Variants in RALA observed in about 807,000 individuals in gnomAD.
RALA encodes the protein ras-related protein Ral-A.
RALA carries 5 observed loss-of-function variants against 24.0 expected under a neutral mutation model. The ratio of observed to expected loss-of-function variants is 0.21; its 90% CI spans 0.11 to 0.44. The LOEUF (loss-of-function observed/expected upper bound fraction) is 0.44, where lower values mean the gene tolerates loss of function less well. Ranked by LOEUF, RALA falls within the 20% of genes least tolerant of loss-of-function variation. RALA has a pLI of 0.99. For missense variants in RALA, 95 were observed against 241.2 expected (o/e 0.39, Z 4.01); for synonymous variants, 77 against 83.8 (o/e 0.92, Z 0.44).
At chr7:39,639,317 A>T (rs1791740038) in intron 1 of RALA, among the ~76,000 whole-genome samples, 1 of 152,238 alleles carries the variant, frequency 6.6e-6, no homozygotes, top group Non-Finnish European at 1.5e-5. Context: ...TCAGTGAGTG[A>T]CAGCAGTTGC....
chr7:39,686,113 C>T (rs975213273), intron 1 of RALA, among the ~76,000 whole-genome samples: 2 of 145,238 alleles, frequency 1.4e-5, no homozygotes, highest in East Asian at 4.1e-4. Context: ...GGCTGAGGCA[C>T]AAGAATCGCT....
At chr7:39,697,473 C>T (rs376421371) in intron 4 of RALA, 7 of 456,642 alleles carry the variant, frequency 1.5e-5, no homozygotes, top group Admixed American at 4.7e-5. Context: ...TGCCCTAGAC[C>T]AGCTCCAGTA....
chr7:39,683,017 A>G (rs1456442562), intron 1 of RALA, among the ~76,000 whole-genome samples: 1 of 152,116 alleles, frequency 6.6e-6, no homozygotes, highest in Non-Finnish European at 1.5e-5. Context: ...ATTAGATAAG[A>G]TCATCAGGGT....
intron 1 of RALA, among the ~76,000 whole-genome samples, chr7:39,657,155 G>A (rs188860758): frequency 2.0e-5 from 3 of 152,018 alleles, no homozygotes; most frequent in East Asian, 3.9e-4. Flanking sequence ...TTGTAGTGAC[G>A]GGGTTTCACC....
intron 1 of RALA, among the ~76,000 whole-genome samples, chr7:39,657,646 A>C (rs1485170977): frequency 6.6e-6 from 1 of 152,102 alleles, no homozygotes; most frequent in Non-Finnish European, 1.5e-5. Flanking sequence ...ATGCAGCCAG[A>C]CATGGTGGCT....
chr7:39,639,246 C>T (rs901539451), intron 1 of RALA, among the ~76,000 whole-genome samples: 1 of 152,156 alleles, frequency 6.6e-6, no homozygotes, highest in Non-Finnish European at 1.5e-5. Context: ...CTTTACATAC[C>T]TTTCAGAAAG....
intron 1 of RALA, among the ~76,000 whole-genome samples, chr7:39,626,996 C>CTCT (rs201364084): frequency 8.9e-5 from 7 of 78,908 alleles, no homozygotes; most frequent in African/African-American, 1.4e-4. Context: ...GAATTCTCTT[C>CTCT]CCTCCTAAGC....
intron 1 of RALA, among the ~76,000 whole-genome samples, chr7:39,640,124 T>G (rs1214447858): frequency 3.3e-5 from 5 of 152,272 alleles, no homozygotes; most frequent in African/African-American, 1.2e-4. Context: ...CTTGGCACAC[T>G]GCAGCTCAGC....
At chr7:39,650,578 A>T (rs1229818895) in intron 1 of RALA, among the ~76,000 whole-genome samples, 1 of 152,064 alleles carries the variant, frequency 6.6e-6, no homozygotes, top group Non-Finnish European at 1.5e-5. Context: ...CAGAACTTTG[A>T]ATTTAGACTT....
intron 3 of RALA, among the ~76,000 whole-genome samples, chr7:39,695,464 T>C (rs906139788): frequency 6.6e-6 from 1 of 151,896 alleles, no homozygotes; most frequent in African/African-American, 2.4e-5. Context: ...CAGGCTAGAG[T>C]ACAGTGATGT....
chr7:39,702,937 T>A (rs539571857), intron 4 of RALA: 49 of 152,310 alleles, frequency 3.2e-4, no homozygotes, highest in African/African-American at 1.2e-3. Flanking sequence ...TACTATACTA[T>A]TGTAGATGAC....
At chr7:39,695,157 A>C (rs984885975) in intron 3 of RALA, among the ~76,000 whole-genome samples, 1 of 152,062 alleles carries the variant, frequency 6.6e-6, no homozygotes. Context: ...CTTATTCTAA[A>C]ATATAGTCGT....
chr7:39,657,002 C>T (rs1302345833), intron 1 of RALA, among the ~76,000 whole-genome samples: 6 of 152,122 alleles, frequency 3.9e-5, no homozygotes, highest in African/African-American at 1.2e-4. Context: ...GAGTCTTGCT[C>T]GGTCACCCAG....
intron 4 of RALA, among the ~76,000 whole-genome samples, chr7:39,701,582 A>G (rs75249621): frequency 0.1 from 15,474 of 152,240 alleles, 1,032 homozygotes; most frequent in Non-Finnish European, 0.15. Flanking sequence ...CACTACTAGA[A>G]GCCTGATCAC....
chr7:39,653,080 A>T (rs1792044949), intron 1 of RALA, among the ~76,000 whole-genome samples: 1 of 151,400 alleles, frequency 6.6e-6, no homozygotes, highest in Non-Finnish European at 1.5e-5. Flanking sequence ...CCCAGGCTGG[A>T]GTGCAGTGGT....
At chr7:39,659,583 C>T (rs181992121) in intron 1 of RALA, among the ~76,000 whole-genome samples, 5 of 152,220 alleles carry the variant, frequency 3.3e-5, no homozygotes, top group South Asian at 4.1e-4. Flanking sequence ...GTAATTTTAT[C>T]GTAGCCAAGA....
At chr7:39,676,264 C>T (rs774257048) in intron 1 of RALA, among the ~76,000 whole-genome samples, 2 of 152,116 alleles carry the variant, frequency 1.3e-5, no homozygotes, top group African/African-American at 2.4e-5. Context: ...CATGAGCCAC[C>T]GCACCCAGCC....
intron 1 of RALA, among the ~76,000 whole-genome samples, chr7:39,652,995 T>C (rs1792043219): frequency 6.6e-6 from 1 of 151,222 alleles, no homozygotes; most frequent in Admixed American, 6.6e-5. Flanking sequence ...CAAACTATTA[T>C]TATTGTTAGC....
chr7:39,674,680 T>C, intron 1 of RALA, among the ~76,000 whole-genome samples: 1 of 152,190 alleles, frequency 6.6e-6, no homozygotes, highest in East Asian at 1.9e-4. Context: ...CCAGAAGTGT[T>C]TCAAGATTTT....
Sources: allele counts gnomAD v4.1 joint callset (sites outside exome capture counted in the v4.1 genomes callset), GRCh38; gene constraint gnomAD v4.1.1; transcripts MANE v1.5; gene names NCBI Gene and HGNC (gene_info 2026-07-23, HGNC 2026-07-21).